Variants in MPP7 observed in about 807,000 individuals in gnomAD.
MPP7 encodes the protein MAGUK p55 scaffold protein 7.
In MPP7, 60 loss-of-function variants were observed where a neutral mutation model predicts 76.5. The ratio of observed to expected loss-of-function variants is 0.78; its 90% CI spans 0.64 to 0.97. The LOEUF (loss-of-function observed/expected upper bound fraction) is 0.97, where lower values mean the gene tolerates loss of function less well. Ranked by LOEUF, MPP7 falls within the 50% of genes least tolerant of loss-of-function variation. The pLI is 0.00. For missense variants in MPP7, 641 were observed against 694.0 expected (o/e 0.92, Z 0.86); for synonymous variants, 237 against 244.5 (o/e 0.97, Z 0.29).
At chr10:28,237,727 C>G (rs1232733296) in intron 2 of MPP7, among the ~76,000 whole-genome samples, 1 of 152,182 alleles carries the variant, frequency 6.6e-6, no homozygotes, top group Non-Finnish European at 1.5e-5. Context: ...CCATATAAAA[C>G]AGAGAACATT....
At chr10:28,162,360 T>C (rs2985522) in intron 3 of MPP7, among the ~76,000 whole-genome samples, 113,592 of 151,972 alleles carry the variant, frequency 0.75, 42,597 homozygotes, top group Middle Eastern at 0.84. Flanking sequence ...TTTTTTTTAA[T>C]GCATGGTAAT....
chr10:28,241,240 C>T (rs1839258630), intron 1 of MPP7, among the ~76,000 whole-genome samples: 2 of 152,128 alleles, frequency 1.3e-5, no homozygotes, highest in Non-Finnish European at 2.9e-5. Flanking sequence ...GCTGATATTG[C>T]TGCTGTTCAT....
intron 2 of MPP7, among the ~76,000 whole-genome samples, chr10:28,210,157 C>T (rs1344790878): frequency 3.3e-5 from 5 of 152,194 alleles, no homozygotes; most frequent in Non-Finnish European, 4.4e-5. Context: ...ATGCCACCAG[C>T]TTTCCTGGTT....
At chr10:28,103,149 A>C (rs1853909922) in intron 11 of MPP7, among the ~76,000 whole-genome samples, 1 of 144,642 alleles carries the variant, frequency 6.9e-6, no homozygotes, top group Admixed American at 6.9e-5. Context: ...CAGACCGTGC[A>C]CATGCATCCT....
chr10:28,273,892 G>A (rs1400523020), intron 1 of MPP7, among the ~76,000 whole-genome samples: 1 of 152,092 alleles, frequency 6.6e-6, no homozygotes, highest in Non-Finnish European at 1.5e-5. Flanking sequence ...CTACTCAGGA[G>A]GCTGAGTTGA....
intron 11 of MPP7, among the ~76,000 whole-genome samples, chr10:28,100,137 A>C (rs1853759119): frequency 1.4e-5 from 2 of 146,822 alleles, no homozygotes; most frequent in African/African-American, 5.1e-5. Context: ...AAAAAAAAAC[A>C]CGTAGACATT....
At chr10:28,241,381 A>G (rs11006943) in intron 1 of MPP7, among the ~76,000 whole-genome samples, 3,097 of 152,298 alleles carry the variant, frequency 0.02, 111 homozygotes, top group African/African-American at 0.068. Flanking sequence ...ACTACAAAGT[A>G]ATCACCTTCT....
In MPP7 at chr10:28,202,265, T is replaced by C. The variant is rs1837800184; in HGVS notation, c.44A>G (p.Tyr15Cys). 1.2e-6 allele frequency: 2 copies of C among 1,605,698 alleles called. No homozygotes were observed. The highest frequency in any genetic ancestry group is 2.2e-5 in the East Asian group (1 of 44,802). Residue 15 changes from tyrosine to cysteine, a missense_variant, in exon 3 of 17, where the codon TAT (tyrosine) becomes TGT (cysteine). Transcript: ENST00000683449. ...STGSGSDTGL[Y>C]ELLAALPAQL... ...GGCTGGCAGAGCAGCCAACAGCTCA[T>C]ACAGACCTATAAAATGAAAATAAAA... is the stretch of plus-strand genomic sequence containing the variant.
At chr10:28,157,702 G>A (rs565523832) in intron 3 of MPP7, among the ~76,000 whole-genome samples, 2 of 152,206 alleles carry the variant, frequency 1.3e-5, no homozygotes, top group South Asian at 2.1e-4. Flanking sequence ...AGACCCTCAA[G>A]CACCCAGAGT....
At chr10:28,312,405 C>T (rs907564030) in intron 2 of MPP7, among the ~76,000 whole-genome samples, 2 of 152,130 alleles carry the variant, frequency 1.3e-5, no homozygotes, top group East Asian at 3.8e-4. Context: ...CTAATTGGTG[C>T]ATTTTACAAT....
intron 2 of MPP7, chr10:28,202,885 T>C (rs1837824762): frequency 6.6e-6 from 1 of 151,888 alleles, no homozygotes; most frequent in Non-Finnish European, 1.5e-5. Flanking sequence ...GTAAAGCTTA[T>C]GTAATACCCT....
At chr10:28,192,992 A>G (rs1356273440) in intron 3 of MPP7, among the ~76,000 whole-genome samples, 1 of 152,252 alleles carries the variant, frequency 6.6e-6, no homozygotes, top group East Asian at 1.9e-4. Flanking sequence ...CAAAGGATCA[A>G]AGGCAATTCA....
chr10:28,107,519 G>T (rs994521619), intron 11 of MPP7, among the ~76,000 whole-genome samples: 2 of 152,090 alleles, frequency 1.3e-5, no homozygotes, highest in African/African-American at 4.8e-5. Flanking sequence ...CTCTCAGGGG[G>T]TCTCCTTCCA....
At chr10:28,291,000 CG>C (rs1840905769) in intron 1 of MPP7, among the ~76,000 whole-genome samples, 1 of 152,102 alleles carries the variant, frequency 6.6e-6, no homozygotes, top group Non-Finnish European at 1.5e-5. Flanking sequence ...CCTGATGACA[CG>C]ATTTTGTAAA....
intron 3 of MPP7, among the ~76,000 whole-genome samples, chr10:28,193,879 TAA>T (rs34829059): frequency 0.33 from 49,460 of 148,816 alleles, 10,632 homozygotes; most frequent in African/African-American, 0.6. Flanking sequence ...TGGCTAAAAT[TAA>T]AAAAAAAAAA....
At chr10:28,160,832 T>C (rs937302670) in intron 3 of MPP7, among the ~76,000 whole-genome samples, 9 of 152,178 alleles carry the variant, frequency 5.9e-5, no homozygotes, top group Non-Finnish European at 1.0e-4. Flanking sequence ...GGTGTTACTT[T>C]TCTAAAAAAC....
chr10:28,113,269 C>T (rs1834560323), intron 11 of MPP7, among the ~76,000 whole-genome samples: 1 of 152,170 alleles, frequency 6.6e-6, no homozygotes, highest in Non-Finnish European at 1.5e-5. Context: ...TCTTGCTCCC[C>T]ACACACTGGT....
intron 2 of MPP7, among the ~76,000 whole-genome samples, chr10:28,238,112 C>T (rs1408316454): frequency 6.6e-6 from 1 of 151,586 alleles, no homozygotes; most frequent in African/African-American, 2.4e-5. Flanking sequence ...GATAGTTTTA[C>T]CTCTGGTGAC....
At chr10:28,118,884 A>G in intron 11 of MPP7, 1 of 985,400 alleles carries the variant, frequency 1.0e-6, no homozygotes, top group Non-Finnish European at 1.2e-6. Context: ...AGGGCCATTT[A>G]TTTGGTCATT....
Sources: gnomAD v4.1 joint callset for allele counts (sites outside exome capture counted in the v4.1 genomes callset) on GRCh38, gnomAD v4.1.1 for gene constraint, MANE v1.5 for transcripts, NCBI Gene and HGNC (gene_info 2026-07-23, HGNC 2026-07-21) for gene names.